The following SLC39A10 variants were observed in gnomAD, a reference collection of about 807,000 sequenced individuals.
SLC39A10 encodes the protein solute carrier family 39 member 10, also known as zinc transporter ZIP10.
A neutral mutation model predicts 65.1 loss-of-function variants in SLC39A10; 13 were observed. The ratio of observed to expected loss-of-function variants is 0.20; its 90% confidence interval spans 0.13 to 0.32. SLC39A10 has a LOEUF of 0.32. Ranked by LOEUF, SLC39A10 falls within the 10% of genes least tolerant of loss-of-function variation. The pLI is 1.00. For missense variants in SLC39A10, 831 were observed against 1,018.4 expected, an observed-to-expected ratio of 0.82 and a Z score of 2.50; for synonymous variants, 321 against 342.2, an observed-to-expected ratio of 0.94 and a Z score of 0.68.
At chr2:195,615,850 T>C (rs979334304) in intron 2 of SLC39A10, among the ~76,000 whole-genome samples, 1 of 152,242 alleles carries the variant, frequency 6.6e-6, no homozygotes, top group Admixed American at 6.5e-5. Flanking sequence ...CTAAATCCTA[T>C]ACAACTTTGC....
At chr2:195,694,374 T>C (rs1227866066) in intron 3 of SLC39A10, among the ~76,000 whole-genome samples, 2 of 152,214 alleles carry the variant, frequency 1.3e-5, no homozygotes, top group Non-Finnish European at 2.9e-5. Context: ...GTCTTGATGA[T>C]TTGTCTAGTG....
At chr2:195,663,059 C>G (rs1574237299) in intron 1 of SLC39A10, among the ~76,000 whole-genome samples, 2 of 152,132 alleles carry the variant, frequency 1.3e-5, no homozygotes, top group Non-Finnish European at 2.9e-5. Flanking sequence ...TGGTTACCAC[C>G]GAACTGTCAC....
intron 3 of SLC39A10, among the ~76,000 whole-genome samples, chr2:195,689,798 A>G (rs1199653104): frequency 6.6e-6 from 1 of 152,202 alleles, no homozygotes; most frequent in Non-Finnish European, 1.5e-5. Flanking sequence ...TCATATAAAT[A>G]GAACCATACA....
chr2:195,719,072 T>C (rs1691922075), intron 8 of SLC39A10, among the ~76,000 whole-genome samples: 1 of 152,004 alleles, frequency 6.6e-6, no homozygotes, highest in African/African-American at 2.4e-5. Context: ...TTTAAAAAAA[T>C]GTTTTCTTGT....
chr2:195,719,530 A>G (rs1236252441), intron 8 of SLC39A10, among the ~76,000 whole-genome samples: 1 of 152,156 alleles, frequency 6.6e-6, no homozygotes, highest in Non-Finnish European at 1.5e-5. Context: ...GGTCTAGGGT[A>G]TGCATGCTAA....
intron 3 of SLC39A10, among the ~76,000 whole-genome samples, chr2:195,690,770 C>T (rs1186832137): frequency 1.3e-5 from 2 of 152,110 alleles, no homozygotes; most frequent in Non-Finnish European, 2.9e-5. Flanking sequence ...ATATTAATCT[C>T]CCTTATCAGA....
chr2:195,636,171 A>G (rs1688692948), intron 2 of SLC39A10, among the ~76,000 whole-genome samples: 1 of 152,236 alleles, frequency 6.6e-6, no homozygotes, highest in Admixed American at 6.5e-5. Flanking sequence ...TCCTCTTTCA[A>G]CAACATATTT....
chr2:195,708,742 A>C lies in SLC39A10; in HGVS notation c.1473A>C (p.Glu491Asp). The change falls in exon 5 of 10, where the codon GAA becomes GAC. Residue 491 changes from glutamate (E) to aspartate (D), a missense_variant. By Grantham distance (45) the Glu-to-Asp change is conservative. Transcript: ENST00000359634. Reference sequence around the variant, plus strand: ...ATGAATCTAACAAGTTTTTGGAAGAATATGATGCTGTATTGAAAGGACTTG... The same window carrying C: ...ATGAATCTAACAAGTTTTTGGAAGACTATGATGCTGTATTGAAAGGACTTG... ...HGHESNKFLEEYDAVLKGLVA... is the reference protein window; with the variant it reads ...HGHESNKFLEDYDAVLKGLVA... The C allele has an allele frequency of 1.2e-6, 2 of 1,613,298 alleles. No homozygotes were observed. Among genetic ancestry groups the C allele is most frequent in the Non-Finnish European group, 1.7e-6 (2 of 1,179,574 alleles).
At chr2:195,676,647 A>G (rs987878742) in intron 1 of SLC39A10, among the ~76,000 whole-genome samples, 3 of 152,116 alleles carry the variant, frequency 2.0e-5, no homozygotes, top group Admixed American at 6.5e-5. Context: ...GTTCCACTCC[A>G]CTGGCCTATC....
At chr2:195,641,340 A>G (rs1366641431) in intron 2 of SLC39A10, among the ~76,000 whole-genome samples, 1 of 152,238 alleles carries the variant, frequency 6.6e-6, no homozygotes, top group Non-Finnish European at 1.5e-5. Flanking sequence ...TGAGGAAGTA[A>G]CAAGTCTTTC....
chr2:195,657,568 T>C (rs1190071931), intron 1 of SLC39A10: 3 of 983,674 alleles, frequency 3.0e-6, no homozygotes, highest in Non-Finnish European at 1.2e-6. Flanking sequence ...CGGCATCCAC[T>C]TCGCGTGCGG....
intron 3 of SLC39A10, among the ~76,000 whole-genome samples, chr2:195,697,596 G>C (rs1691014602): frequency 6.6e-6 from 1 of 151,986 alleles, no homozygotes; most frequent in Non-Finnish European, 1.5e-5. Flanking sequence ...CTTCACCATG[G>C]AATAGGCGTC....
upstream of SLC39A10, among the ~76,000 whole-genome samples, chr2:195,654,353 G>C (rs188968806): frequency 1.0e-3 from 152 of 152,260 alleles, 1 homozygote; most frequent in East Asian, 5.8e-4. Context: ...ACTTCCTTCA[G>C]CCACTGCTAA....
At chr2:195,620,081 C>A (rs1312331853) in intron 2 of SLC39A10, among the ~76,000 whole-genome samples, 5 of 152,166 alleles carry the variant, frequency 3.3e-5, no homozygotes, top group Non-Finnish European at 2.9e-5. Flanking sequence ...CACCACCACA[C>A]CCAGCTAATT....
intron 1 of SLC39A10, among the ~76,000 whole-genome samples, chr2:195,664,863 A>ATTAT (rs1220349493): frequency 3.3e-5 from 5 of 152,194 alleles, no homozygotes; most frequent in Non-Finnish European, 7.4e-5. Flanking sequence ...ACAAATTGGA[A>ATTAT]TTAAAATGTT....
intron 3 of SLC39A10, among the ~76,000 whole-genome samples, chr2:195,685,104 T>C (rs965704805): frequency 8.5e-5 from 13 of 152,082 alleles, no homozygotes; most frequent in Admixed American, 1.3e-4. Flanking sequence ...CATTTTTTTT[T>C]CACTAAATTT....
rs772569354 is a variant in SLC39A10, at chr2:195,708,861, T to C, written c.1575+17T>C. On this transcript the variant is annotated intron_variant, in intron 5 of 9. Coordinates refer to ENST00000359634, the MANE Select transcript of SLC39A10 (RefSeq NM_020342.3). ...CAACAAAGAGTAAGTATTTTTTATT[T>C]ATTTAATTTTATACCATAAAACTCA... is the stretch of plus-strand genomic sequence containing the variant. The C allele has an allele frequency of 2.6e-6, 4 of 1,539,644 alleles. No homozygotes were observed. The highest frequency in any genetic ancestry group is 3.5e-6 in the Non-Finnish European group (4 of 1,139,430).
chr2:195,680,872 A>G lies in SLC39A10; in HGVS notation c.830A>G (p.His277Arg). The G allele has an allele frequency of 6.2e-7, 1 of 1,614,170 alleles. No homozygotes were observed. Among genetic ancestry groups the G allele is most frequent in the Non-Finnish European group, 8.5e-7 (1 of 1,180,032 alleles). The change falls in exon 2 of 10, where the codon CAT becomes CGT. Residue 277 changes from histidine to arginine, a missense_variant. By Grantham distance (29) the His-to-Arg change is conservative (BLOSUM62 0). This residue lies in a region of SLC39A10 where 446 missense variants were observed against 499.2 expected (regional missense o/e 0.89). Coordinates refer to ENST00000359634, the MANE Select transcript of SLC39A10 (RefSeq NM_020342.3). ...HKPDRVHNPG[H>R]SHVHLPERNG... is the part of the protein sequence containing the mutation. ...CCTGATCGTGTACATAACCCAGGTC[A>G]TTCTCATGTACATCTTCCAGAACGT...
At chr2:195,695,533 C>T (rs1484489425) in intron 3 of SLC39A10, among the ~76,000 whole-genome samples, 1 of 152,158 alleles carries the variant, frequency 6.6e-6, no homozygotes, top group Non-Finnish European at 1.5e-5. Context: ...CACCAGCCTC[C>T]CCACTGAGAA....
Sources: gnomAD v4.1 joint callset for allele counts (sites outside exome capture counted in the v4.1 genomes callset) on GRCh38, gnomAD v4.1.1 for gene constraint, gnomAD v4.1.1 regional missense constraint, MANE v1.5 for transcripts, NCBI Gene and HGNC (gene_info 2026-07-23, HGNC 2026-07-21) for gene names.